The following ACACA variants were observed in gnomAD, a reference collection of about 807,000 sequenced individuals.
The protein encoded by ACACA is acetyl-CoA carboxylase 1.
Under a neutral mutation model 296.1 loss-of-function variants are expected in ACACA, and 103 were observed. The observed-to-expected ratio is 0.35, with a 90% CI of 0.30 to 0.41. The LOEUF (loss-of-function observed/expected upper bound fraction) is 0.41, where lower values mean the gene tolerates loss of function less well. Ranked by LOEUF, ACACA falls within the 10% of genes least tolerant of loss-of-function variation. ACACA has a pLI of 1.00. For missense variants in ACACA, 1,554 were observed against 2,989.7 expected, an observed-to-expected ratio of 0.52 and a Z score of 11.20; for synonymous variants, 953 against 1,038.6, an observed-to-expected ratio of 0.92 and a Z score of 1.58.
chr17:37,276,919 A>G, intron 7 of ACACA, 114 bp downstream of exon 7: 1 of 923,690 alleles, frequency 1.1e-6, no homozygotes, highest in Non-Finnish European at 1.8e-6. Flanking sequence ...GAGGGAAAAA[A>G]AAAGAGAGAG....
intron 9 of ACACA, 48 bp from the exon 10 acceptor site, chr17:37,270,909 G>C (rs74475409): frequency 6.1e-6 from 9 of 1,473,320 alleles, no homozygotes; most frequent in African/African-American, 1.4e-5. Context: ...GTTATTACCA[G>C]GGAAGGAGAA....
intron 41 of ACACA, among the ~76,000 whole-genome samples, chr17:37,163,851 T>C (rs2076560720): frequency 6.6e-6 from 1 of 152,184 alleles, no homozygotes; most frequent in African/African-American, 2.4e-5. Flanking sequence ...AGAGGTGACA[T>C]GTCTCTTCCC....
chr17:37,094,575 C>G (rs867065848), intron 54 of ACACA, among the ~76,000 whole-genome samples: 1,982 of 68,866 alleles, frequency 0.029, 79 homozygotes, highest in African/African-American at 0.17. Flanking sequence ...AAGAACCACC[C>G]CCCCCCCCCC....
chr17:37,278,561 A>T (rs2082369886), intron 5 of ACACA, among the ~76,000 whole-genome samples: 2 of 152,216 alleles, frequency 1.3e-5, no homozygotes, highest in Admixed American at 1.3e-4. Context: ...AAAGATAACC[A>T]CTTTCTCATA....
chr17:37,226,905 C>T (rs1164402032), intron 25 of ACACA, among the ~76,000 whole-genome samples: 4 of 152,076 alleles, frequency 2.6e-5, no homozygotes, highest in African/African-American at 9.7e-5. Context: ...ATCTCATAAA[C>T]CAAATTTTCA....
At chr17:37,147,407 C>T (rs2075857936) in intron 45 of ACACA, among the ~76,000 whole-genome samples, 1 of 152,092 alleles carries the variant, frequency 6.6e-6, no homozygotes, top group Admixed American at 6.5e-5. Context: ...GGGTGACTTG[C>T]ACACACCCAA....
intron 10 of ACACA, among the ~76,000 whole-genome samples, chr17:37,265,012 G>A (rs2081690071): frequency 1.3e-5 from 2 of 152,160 alleles, no homozygotes; most frequent in Admixed American, 1.3e-4. Context: ...AGCCTCAGCT[G>A]GAATCGTTCA....
At chr17:37,252,230 C>A in intron 15 of ACACA, 122 bp from the exon 16 acceptor site, 1 of 770,082 alleles carries the variant, frequency 1.3e-6, no homozygotes, top group South Asian at 1.5e-5. Flanking sequence ...TCCATTCTCA[C>A]TGCCCAACTG....
At chr17:37,348,903 C>T (rs551808946) in intron 1 of ACACA, among the ~76,000 whole-genome samples, 208 of 148,634 alleles carry the variant, frequency 1.4e-3, no homozygotes, top group Non-Finnish European at 2.0e-3. Flanking sequence ...GAGCCGAGAT[C>T]GCGCCACTGC....
intron 3 of ACACA, among the ~76,000 whole-genome samples, chr17:37,304,789 CAA>C (rs34671149): frequency 2.2e-5 from 3 of 134,962 alleles, no homozygotes; most frequent in Non-Finnish European, 1.6e-5. Context: ...AACTCTGTCT[CAA>C]AAAAAAAAAA....
chr17:37,134,202 G>A (rs1384415542), intron 45 of ACACA, among the ~76,000 whole-genome samples: 1 of 152,182 alleles, frequency 6.6e-6, no homozygotes, highest in East Asian at 1.9e-4. Context: ...CTTATCTAGA[G>A]ACACTGCAGA....
chr17:37,258,640 A>G (rs1262363348), intron 12 of ACACA, among the ~76,000 whole-genome samples: 2 of 152,190 alleles, frequency 1.3e-5, no homozygotes, highest in South Asian at 4.1e-4. Flanking sequence ...TCATTTCTCC[A>G]TCACGTAATA....
intron 1 of ACACA, among the ~76,000 whole-genome samples, chr17:37,340,266 G>A (rs1298091419): frequency 1.3e-5 from 2 of 152,176 alleles, no homozygotes; most frequent in Non-Finnish European, 2.9e-5. Context: ...CAAAGATTGG[G>A]AGCCAGGTGG....
intron 10 of ACACA, among the ~76,000 whole-genome samples, chr17:37,267,051 C>A (rs2081816388): frequency 6.6e-6 from 1 of 152,324 alleles, no homozygotes; most frequent in South Asian, 2.1e-4. Flanking sequence ...TTTTACTTTT[C>A]TGTTATGGCA....
intron 2 of ACACA, among the ~76,000 whole-genome samples, chr17:37,338,847 T>C (rs1411949237): frequency 6.6e-6 from 1 of 150,412 alleles, no homozygotes; most frequent in Non-Finnish European, 1.5e-5. Context: ...GGCTGAGGCA[T>C]GAGAATTGCT....
At chr17:37,346,571 G>A (rs1005761001) in intron 1 of ACACA, among the ~76,000 whole-genome samples, 57 of 149,834 alleles carry the variant, frequency 3.8e-4, no homozygotes, top group African/African-American at 1.3e-3. Flanking sequence ...GCGTGGTGGC[G>A]GGCGCCTGTA....
intron 5 of ACACA, among the ~76,000 whole-genome samples, chr17:37,282,253 C>G (rs2082571438): frequency 6.6e-6 from 1 of 152,156 alleles, no homozygotes. Flanking sequence ...CTGTGTTGTT[C>G]CTGCTCTGGC....
chr17:37,252,047 C>G lies in ACACA; in HGVS notation c.2039G>C (p.Ser680Thr). Reference protein sequence around the residue: ...VCGALHVADVSLRNSVSNFLH... With the variant: ...VCGALHVADVTLRNSVSNFLH... ...GAAGTTAGAGACGCTATTCCGCAGG[C>G]TCACATCTGCCACGTGGAGGGCACC... The change falls in exon 16 of 56, where the codon AGC (serine) becomes ACC (threonine). Residue 680 changes from serine (S) to threonine (T), a missense_variant. Around this residue, in one of 16 missense-constraint regions of ACACA, gnomAD observed 316 missense variants for 540.9 expected, o/e 0.58. Coordinates refer to ENST00000616317, the MANE Select transcript of ACACA (RefSeq NM_198834.3). 4 of 1,614,222 alleles carry G rather than the reference C, an allele frequency of 2.5e-6. No homozygotes were observed. The highest frequency in any genetic ancestry group is 3.4e-6 in the Non-Finnish European group (4 of 1,180,044).
chr17:37,104,078 T>C (rs2073527043), intron 52 of ACACA, among the ~76,000 whole-genome samples: 1 of 152,176 alleles, frequency 6.6e-6, no homozygotes, highest in African/African-American at 2.4e-5. Context: ...AAGAATTATC[T>C]TGGGCCACAC....
Sources: allele counts gnomAD v4.1 joint callset (sites outside exome capture counted in the v4.1 genomes callset), GRCh38; gene constraint gnomAD v4.1.1; regional missense constraint gnomAD v4.1.1; transcripts MANE v1.5; gene names NCBI Gene and HGNC (gene_info 2026-07-23, HGNC 2026-07-21).